SCARB1: variants seen among roughly 807,000 people sequenced by gnomAD.
The protein encoded by SCARB1 is CD36 and LIMPII analogous 1.
A neutral mutation model predicts 57.2 loss-of-function variants in SCARB1; 30 were observed. That is an observed-to-expected ratio of 0.52 (90% CI 0.39 to 0.71). SCARB1 has a LOEUF of 0.71. Ranked by LOEUF, SCARB1 falls within the 30% of genes least tolerant of loss-of-function variation. The pLI is 0.00. For missense variants in SCARB1, 543 were observed against 671.2 expected (o/e 0.81, Z 2.11); for synonymous variants, 249 against 268.3 (o/e 0.93, Z 0.70).
At chr12:124,851,757 C>G (rs907983416) in intron 1 of SCARB1, among the ~76,000 whole-genome samples, 5 of 151,900 alleles carry the variant, frequency 3.3e-5, no homozygotes, top group Admixed American at 6.6e-5. Context: ...CAGGTGTGTG[C>G]CACCATGCCC....
intron 8 of SCARB1, 53 bp from the exon 9 acceptor site, chr12:124,795,321 C>T (rs1949905648): frequency 7.1e-7 from 1 of 1,414,038 alleles, no homozygotes; most frequent in Non-Finnish European, 1.0e-6. Flanking sequence ...TCCAGGGACA[C>T]CGTCAACCCT....
At chr12:124,824,673 G>A (rs1951069114) in intron 1 of SCARB1, among the ~76,000 whole-genome samples, 1 of 152,246 alleles carries the variant, frequency 6.6e-6, no homozygotes, top group Non-Finnish European at 1.5e-5. Flanking sequence ...GCTGTGCACA[G>A]CGGGGGTCAG....
intron 1 of SCARB1, among the ~76,000 whole-genome samples, chr12:124,855,052 G>A (rs937859438): frequency 6.6e-6 from 1 of 152,174 alleles, no homozygotes; most frequent in Non-Finnish European, 1.5e-5. Context: ...AGGGAGATGA[G>A]GAGGCATCAG....
rs1017196121 is a variant in SCARB1, at chr12:124,789,545, C to T, written c.1203-2088G>A. Among the ~76,000 whole-genome samples the T allele has an allele frequency of 1.3e-5, 2 of 152,028 alleles. No individual in the cohort carries two copies. Among genetic ancestry groups the T allele is most frequent in the African/African-American group, 2.4e-5 (1 of 41,392 alleles). ...AGGTGGGTCCATGCAGATATGGTTA[C>T]ATCAAGGTTCTGAGATGGGAAGAGT... is the stretch of plus-strand genomic sequence containing the variant. On this transcript the variant is annotated intron_variant, in intron 9 of 12. Transcript: ENST00000261693. This position sits in a 1 kb window ranked among gnomAD's most constrained non-coding sequence, Gnocchi z 4.4.
chr12:124,844,342 C>T (rs1952048148), intron 1 of SCARB1, among the ~76,000 whole-genome samples: 1 of 152,308 alleles, frequency 6.6e-6, no homozygotes, highest in Middle Eastern at 3.4e-3. Context: ...AGGGGGCCTC[C>T]CTGTGCCACC....
chr12:124,848,700 T>C (rs1253176973), intron 1 of SCARB1, among the ~76,000 whole-genome samples: 1 of 152,172 alleles, frequency 6.6e-6, no homozygotes, highest in Non-Finnish European at 1.5e-5. Flanking sequence ...GCTGGATGCC[T>C]CCCTCGTGAG....
intron 1 of SCARB1, among the ~76,000 whole-genome samples, chr12:124,851,404 C>A (rs11057864): frequency 0.065 from 9,821 of 151,998 alleles, 394 homozygotes; most frequent in African/African-American, 0.11. Flanking sequence ...TGACACTAAC[C>A]AAGTCTACTT....
intron 1 of SCARB1, among the ~76,000 whole-genome samples, chr12:124,823,853 C>CA (rs1340190775): frequency 5.3e-5 from 8 of 151,494 alleles, no homozygotes; most frequent in South Asian, 2.1e-4. Context: ...TTTAAAGAGC[C>CA]AAAAAAAATA....
At chr12:124,801,279 C>G (rs769148508) in intron 7 of SCARB1, among the ~76,000 whole-genome samples, 1 of 151,980 alleles carries the variant, frequency 6.6e-6, no homozygotes, top group Non-Finnish European at 1.5e-5. Flanking sequence ...CGGGTGGTGA[C>G]CAGGGGCTGG....
At chr12:124,804,518 G>A (rs115786380) in intron 7 of SCARB1, among the ~76,000 whole-genome samples, 1,684 of 152,236 alleles carry the variant, frequency 0.011, 14 homozygotes, top group African/African-American at 0.024. Flanking sequence ...TGCCACTTGC[G>A]ACAGTTGCTG....
chr12:124,779,471 C>T (rs1211420649), intron 12 of SCARB1, among the ~76,000 whole-genome samples: 5 of 151,892 alleles, frequency 3.3e-5, no homozygotes, highest in African/African-American at 1.2e-4. Context: ...ATGCGGGGCG[C>T]AGGACGTGGG....
At chr12:124,819,782 G>A (rs978123458) in intron 1 of SCARB1, among the ~76,000 whole-genome samples, 2 of 152,240 alleles carry the variant, frequency 1.3e-5, no homozygotes, top group Non-Finnish European at 1.5e-5. Context: ...GCCAGTCAGG[G>A]CCAGCCCCAT....
intron 7 of SCARB1, among the ~76,000 whole-genome samples, chr12:124,805,439 TGGGGCTGGATCCTTCAGAGAGGCCGGTA>T (rs887286119): frequency 9.2e-5 from 14 of 151,444 alleles, no homozygotes; most frequent in South Asian, 2.1e-4. Context: ...GAGAGGCTGG[TGGGGCTGGATCCTTCAGAGAGGCCGGTA>T]GGGGCTGGAT....
At chr12:124,806,925 G>A (rs938290992) in intron 7 of SCARB1, among the ~76,000 whole-genome samples, 3 of 151,184 alleles carry the variant, frequency 2.0e-5, no homozygotes, top group South Asian at 2.1e-4. Context: ...TAGGCTGGGC[G>A]CGGTGGCTCA....
At position 124,814,217 on chromosome 12, in the gene SCARB1, G is replaced by A. The variant is rs563054842; in HGVS notation, c.615C>T (p.Phe205=). The change falls in exon 4 of 13, where the codon TTC becomes TTT. Residue 205 remains phenylalanine, a synonymous_variant. Transcript: ENST00000261693. The surrounding 1 kb of genome is among the most constrained non-coding windows in gnomAD (Gnocchi z 4.7). ...CCACACGTACCTCAGCAAATAATCC[G>A]AACTTGTCCTTGAAGGGGAACATGC... The part of the protein sequence containing the change: ...FPGMFPFKDK[F]GLFAELNNSD... 1.1e-5 allele frequency: 18 copies of A among 1,614,138 alleles called. No individual in the cohort carries two copies. Among genetic ancestry groups the A allele is most frequent in the Admixed American group, 6.7e-5 (4 of 60,016 alleles).
Position 124,786,465 on chromosome 12 carries a change from G to T in SCARB1, c.1293C>A (p.Tyr431Ter). ...AMEGETLHTFYTQLVLMPKVM... is the reference protein window; with the variant it reads ...AMEGETLHTF ...CCTTGGGCATCAACACCAGCTGAGT[G>T]TAGAATGTGTGAAGAGTCTCCCCCT... The change falls in exon 11 of 13, where the codon TAC becomes TAA. Residue 431 changes from tyrosine (Y) to a stop codon, truncating the protein, a stop_gained. Coordinates refer to ENST00000261693, the MANE Select transcript of SCARB1 (RefSeq NM_005505.5). LOFTEE classifies it high-confidence loss of function. 3.7e-6 allele frequency: 6 copies of T among 1,614,176 alleles called. No individual in the cohort carries two copies. The highest frequency in any genetic ancestry group is 5.1e-6 in the Non-Finnish European group (6 of 1,180,028).
At chr12:124,778,683 A>G (rs1872776153) in intron 12 of SCARB1, 97 bp from the exon 13 acceptor site, 1 of 1,146,320 alleles carries the variant, frequency 8.7e-7, no homozygotes, top group Non-Finnish European at 1.1e-6. Flanking sequence ...CATCCCCAGC[A>G]GAGACTCCAC....
At chr12:124,847,053 C>T (rs182476764) in intron 1 of SCARB1, among the ~76,000 whole-genome samples, 4 of 152,316 alleles carry the variant, frequency 2.6e-5, no homozygotes, top group African/African-American at 7.2e-5. Flanking sequence ...GCAGGGGCTT[C>T]GGGGCAGATG....
chr12:124,815,681 C>G (rs1950685280), intron 2 of SCARB1, among the ~76,000 whole-genome samples: 1 of 152,208 alleles, frequency 6.6e-6, no homozygotes. Flanking sequence ...TCCTGCCCAA[C>G]ATGGCGAAAC....
Sources: gnomAD v4.1 joint callset for allele counts (sites outside exome capture counted in the v4.1 genomes callset) on GRCh38, gnomAD v4.1.1 for gene constraint, Gnocchi (gnomAD v3.1) non-coding constraint, MANE v1.5 for transcripts, NCBI Gene and HGNC (gene_info 2026-07-23, HGNC 2026-07-21) for gene names.